IQGAP3: variants seen among roughly 807,000 people sequenced by gnomAD.
IQGAP3 encodes IQ motif containing GTPase activating protein 3.
IQGAP3 carries 165 observed loss-of-function variants against 208.2 expected under a neutral mutation model. That is an observed-to-expected ratio of 0.79 (90% CI 0.70 to 0.90). The LOEUF is 0.90. IQGAP3 is among the 40% of genes least tolerant of loss of function. The pLI is 0.00. For synonymous variants in IQGAP3, 703 were observed against 803.6 expected (o/e 0.87, Z 2.12); for missense variants, 1,811 against 2,043.1 (o/e 0.89, Z 2.19).
chr1:156,569,698 T>G (rs965629778), intron 1 of IQGAP3, among the ~76,000 whole-genome samples: 2 of 152,014 alleles, frequency 1.3e-5, no homozygotes, highest in Non-Finnish European at 2.9e-5. Context: ...TTTTATATTT[T>G]TTAGTAGAGA....
chr1:156,539,377 A>G lies in IQGAP3; in HGVS notation c.3053T>C (p.Ile1018Thr). 6.2e-7 allele frequency: 1 copy of G among 1,613,484 alleles called. No homozygotes were observed. Among genetic ancestry groups the G allele is most frequent in the South Asian group, 1.1e-5 (1 of 91,024 alleles). ...QLFKTALQEEIKSKVEQPQDV... is the reference protein window; with the variant it reads ...QLFKTALQEETKSKVEQPQDV... ...CCTTTGTGTCTGGAGAGCCTACTTG[A>G]TTTCCTCCTGGAGTGCTGTCTTGAA... Residue 1018 changes from isoleucine (I) to threonine (T), a missense_variant, in exon 25 of 38, where the codon ATC becomes ACC. Ile to Thr is a moderately conservative substitution (Grantham distance 89, BLOSUM62 -1). Coordinates refer to ENST00000361170, the MANE Select transcript of IQGAP3 (RefSeq NM_178229.5).
At chr1:156,562,544 C>T (rs375716696) in intron 9 of IQGAP3, 43 bp downstream of exon 9, 20 of 1,524,854 alleles carry the variant, frequency 1.3e-5, no homozygotes, top group African/African-American at 2.7e-5. Flanking sequence ...CAGGGGCTTA[C>T]CCTGAGGTCA....
rs866553338 is a variant in IQGAP3, at chr1:156,563,265, C to A, written c.667G>T (p.Val223Leu). 2 of 1,611,550 alleles carry A rather than the reference C, an allele frequency of 1.2e-6. No individual in the cohort carries two copies. The highest frequency in any genetic ancestry group is 1.7e-6 in the Non-Finnish European group (2 of 1,178,072). ...TGCAAGGCAGCCAGGGTGTCCTCCA[C>A]CACCCCTCGCTCCACTGCTTCATTG... is the stretch of plus-strand genomic sequence containing the variant. The part of the protein sequence containing the change: ...AINEAVERGV[V>L]EDTLAALQNP... Residue 223 changes from valine to leucine, a missense_variant, in exon 8 of 38, where the codon GTG (valine) becomes TTG (leucine). Val to Leu is a conservative substitution (Grantham distance 32). Transcript: ENST00000361170.
At chr1:156,550,673 T>C (rs1675506337) in intron 15 of IQGAP3, among the ~76,000 whole-genome samples, 1 of 152,168 alleles carries the variant, frequency 6.6e-6, no homozygotes, top group Non-Finnish European at 1.5e-5. Flanking sequence ...AATTCCCTGC[T>C]CTTATGCCTC....
At chr1:156,544,653 T>C (rs1675146542) in intron 19 of IQGAP3, among the ~76,000 whole-genome samples, 181 bp from the exon 20 acceptor site, 1 of 152,050 alleles carries the variant, frequency 6.6e-6, no homozygotes, top group Admixed American at 6.6e-5. Flanking sequence ...ACCAAATGGC[T>C]TCACATAGCC....
At chr1:156,541,588 A>T (rs1674986674) in intron 22 of IQGAP3, among the ~76,000 whole-genome samples, 1 of 152,342 alleles carries the variant, frequency 6.6e-6, no homozygotes, top group Admixed American at 6.5e-5. Flanking sequence ...TACTTTACGT[A>T]CTTAAGACCA....
In IQGAP3 at chr1:156,566,100, G is replaced by T; in HGVS notation, c.287C>A (p.Thr96Asn). The change falls in exon 4 of 38, where the codon ACT (threonine) becomes AAT (asparagine). Residue 96 changes from threonine to asparagine, a missense_variant. Thr to Asn is a moderately conservative substitution (Grantham distance 65, BLOSUM62 0). Transcript: ENST00000361170. ...GTCTGTGTGACGGAAATGTAAGCCA[G>T]TTGCCTGAAAGGGAAGGAAAAAGAA... ...YDVEQLRYQATGLHFRHTDNI... is the reference protein window; with the variant it reads ...YDVEQLRYQANGLHFRHTDNI... 2 of 1,613,716 alleles carry T rather than the reference G, an allele frequency of 1.2e-6. No individual in the cohort carries two copies. The highest frequency in any genetic ancestry group is 1.7e-6 in the Non-Finnish European group (2 of 1,179,652).
intron 2 of IQGAP3, among the ~76,000 whole-genome samples, chr1:156,567,094 C>A (rs568239442): frequency 6.6e-6 from 1 of 152,040 alleles, no homozygotes; most frequent in Non-Finnish European, 1.5e-5. Flanking sequence ...CTCAAACTCC[C>A]GACCTCAGGT....
At position 156,544,217 on chromosome 1, in the gene IQGAP3, C is replaced by T. The variant is rs1375534781; in HGVS notation, c.2395G>A (p.Ala799Thr). ...ANLDAIIKIQ[A>T]WARMWAARRQ... ...CGAGCTGCCCACATCCGGGCCCAGG[C>T]CTGGATCTGGGAGAAGAAACACACT... The change falls in exon 21 of 38, where the codon GCC becomes ACC. Residue 799 changes from alanine (A) to threonine (T), a missense_variant. By Grantham distance (58) the Ala-to-Thr change is moderately conservative. Coordinates refer to ENST00000361170, the MANE Select transcript of IQGAP3 (RefSeq NM_178229.5). 2 of 1,614,130 alleles carry T rather than the reference C, an allele frequency of 1.2e-6. No homozygotes were observed. Among genetic ancestry groups the T allele is most frequent in the South Asian group, 1.1e-5 (1 of 91,080 alleles).
chr1:156,526,293 A>G lies in IQGAP3; in HGVS notation c.*193T>C. The G allele has an allele frequency of 1.7e-6, 1 of 587,898 alleles. No individual in the cohort carries two copies. The highest frequency in any genetic ancestry group is 3.0e-6 in the Non-Finnish European group (1 of 328,394). The allele number at this position is 587,898 out of a possible 1,614,324, so 36.4% of individuals were successfully genotyped here. A position where few individuals can be genotyped will look rare whatever the true frequency, so the allele number is the denominator to read the frequency against. On this transcript the variant is annotated 3_prime_UTR_variant, in exon 38 of 38. Coordinates refer to ENST00000361170, the MANE Select transcript of IQGAP3 (RefSeq NM_178229.5). ...CACAGCTGGACTCTGGGCAAGGCCC[A>G]CTTTAGCCAATTAGAAGATACACTG...
chr1:156,548,107 A>C lies in IQGAP3; in HGVS notation c.2270T>G (p.Leu757Arg), dbSNP rs1202849828. ...RQKFAEHSHF[L>R]RTWLPAVIKI... Reference sequence around the variant, plus strand: ...GATGACTGCTGGGAGCCAGGTCCTCAGAAAGTGGGAATGCTCAGCAAACTT... The same window carrying C: ...GATGACTGCTGGGAGCCAGGTCCTCCGAAAGTGGGAATGCTCAGCAAACTT... The change falls in exon 19 of 38, where the codon CTG becomes CGG. Residue 757 changes from leucine to arginine, a missense_variant. Leu to Arg is a moderately radical substitution (Grantham distance 102, BLOSUM62 -2). Coordinates refer to ENST00000361170, the MANE Select transcript of IQGAP3 (RefSeq NM_178229.5). 2 of 1,613,760 alleles carry C rather than the reference A, an allele frequency of 1.2e-6. No homozygotes were observed. Among genetic ancestry groups the C allele is most frequent in the African/African-American group, 1.3e-5 (1 of 75,048 alleles).
Position 156,526,417 on chromosome 1 carries a change from G to A in IQGAP3, c.*69C>T. On this transcript the variant is annotated 3_prime_UTR_variant, in exon 38 of 38. Coordinates refer to ENST00000361170, the MANE Select transcript of IQGAP3 (RefSeq NM_178229.5). ...CTCTAGGTGTCTGCAGGGAAGCACA[G>A]TGGTGAGTTAGTGTTAAAGAAAGCA... 1.0e-6 allele frequency: 1 copy of A among 994,434 alleles called. No homozygotes were observed. The allele number at this position is 994,434 out of a possible 1,614,324, so 61.6% of individuals were successfully genotyped here. A position where few individuals can be genotyped will look rare whatever the true frequency, so the allele number is the denominator to read the frequency against.
At position 156,566,101 on chromosome 1, in the gene IQGAP3, T is replaced by C. The variant is rs769053075; in HGVS notation, c.286A>G (p.Thr96Ala). ...YDVEQLRYQA[T>A]GLHFRHTDNI... is the part of the protein sequence containing the mutation. Reference sequence around the variant, plus strand: ...TCTGTGTGACGGAAATGTAAGCCAGTTGCCTGAAAGGGAAGGAAAAAGAAA... The same window carrying C: ...TCTGTGTGACGGAAATGTAAGCCAGCTGCCTGAAAGGGAAGGAAAAAGAAA... Residue 96 changes from threonine to alanine, a missense_variant, in exon 4 of 38, where the codon ACT (threonine) becomes GCT (alanine). By Grantham distance (58) the Thr-to-Ala change is moderately conservative (BLOSUM62 0). Transcript: ENST00000361170. 1 of 1,613,702 alleles carries C rather than the reference T, an allele frequency of 6.2e-7. No individual in the cohort carries two copies. The highest frequency in any genetic ancestry group is 8.5e-7 in the Non-Finnish European group (1 of 1,179,678).
At chr1:156,546,568 T>C (rs1162437563) in intron 19 of IQGAP3, among the ~76,000 whole-genome samples, 1 of 152,036 alleles carries the variant, frequency 6.6e-6, no homozygotes, top group East Asian at 1.9e-4. Flanking sequence ...GAAAACAAAA[T>C]CTCATAATGG....
chr1:156,557,913 G>A (rs1360874859), intron 11 of IQGAP3, among the ~76,000 whole-genome samples: 2 of 10,724 alleles, frequency 1.9e-4, no homozygotes, highest in African/African-American at 4.0e-4. Flanking sequence ...CAGCCGCCCC[G>A]TCCGGGAGGG....
At chr1:156,550,195 C>T in intron 16 of IQGAP3, 66 bp downstream of exon 16, 1 of 1,131,132 alleles carries the variant, frequency 8.8e-7, no homozygotes, top group Non-Finnish European at 1.3e-6. Context: ...GCCTGATTAT[C>T]TGGGCTGCTG....
In IQGAP3 at chr1:156,561,027, A is replaced by C; in HGVS notation, c.1042-6T>G. The C allele has an allele frequency of 6.2e-7, 1 of 1,607,004 alleles. No homozygotes were observed. The highest frequency in any genetic ancestry group is 1.3e-5 in the African/African-American group (1 of 74,856). ...AGCTCCACCAGGCCCAGCTCCTAAGAGAGGGAAGAGATACAGTAGAATGGA... is the reference window on the plus strand; with the variant it reads ...AGCTCCACCAGGCCCAGCTCCTAAGCGAGGGAAGAGATACAGTAGAATGGA... On this transcript the variant is annotated splice_region_variant and splice_polypyrimidine_tract_variant and intron_variant, in intron 10 of 37. Coordinates refer to ENST00000361170, the MANE Select transcript of IQGAP3 (RefSeq NM_178229.5).
rs1257476693 is a variant in IQGAP3, at chr1:156,548,364, G to T, written c.2117C>A (p.Thr706Asn). The change falls in exon 18 of 38, where the codon ACC (threonine) becomes AAC (asparagine). Residue 706 changes from threonine to asparagine, a missense_variant. Coordinates refer to ENST00000361170, the MANE Select transcript of IQGAP3 (RefSeq NM_178229.5). ...TCTGCCAACCTGGATCTCCTCCCGG[G>T]TCAGGTGAGAGGTGTTGAGGGGGCA... is the stretch of plus-strand genomic sequence containing the variant. ...PGCPLNTSHL[T>N]REEIQSAVTK... 1 of 1,613,876 alleles carries T rather than the reference G, an allele frequency of 6.2e-7. No homozygotes were observed. The highest frequency in any genetic ancestry group is 2.2e-5 in the East Asian group (1 of 44,850).
chr1:156,531,360 AG>A (rs1320318759), intron 32 of IQGAP3, 113 bp from the exon 33 acceptor site: 1 of 771,580 alleles, frequency 1.3e-6, no homozygotes, highest in Non-Finnish European at 2.3e-6. Flanking sequence ...CATGGCTGCT[AG>A]GATATAAGGA....
Sources: gnomAD v4.1 joint callset for allele counts (sites outside exome capture counted in the v4.1 genomes callset) on GRCh38, gnomAD v4.1.1 for gene constraint, MANE v1.5 for transcripts, NCBI Gene and HGNC (gene_info 2026-07-23, HGNC 2026-07-21) for gene names.